SEPTIN3: variants seen among roughly 807,000 people sequenced by gnomAD.
SEPTIN3 encodes the protein septin 3, also known as neuronal-specific septin-3.
In SEPTIN3, 15 loss-of-function variants were observed where a neutral mutation model predicts 45.1. The ratio of observed to expected loss-of-function variants is 0.33; its 90% CI spans 0.22 to 0.51. The LOEUF (loss-of-function observed/expected upper bound fraction) is 0.51. Among genes scored for constraint, SEPTIN3 ranks in the 20% least tolerant of loss-of-function variants. The probability of loss-of-function intolerance (pLI) is 0.97; values close to 1 mark genes in which losing one functional copy is unlikely to be tolerated. For missense variants in SEPTIN3, 289 were observed against 457.2 expected, an observed-to-expected ratio of 0.63 and a Z score of 3.35; for synonymous variants, 148 against 164.8, an observed-to-expected ratio of 0.90 and a Z score of 0.78.
At chr22:41,984,845 CTTTTTTTT>C (rs11380985) in intron 3 of SEPTIN3, among the ~76,000 whole-genome samples, 15 of 100,686 alleles carry the variant, frequency 1.5e-4, no homozygotes, top group Admixed American at 9.6e-4. Flanking sequence ...GTGGTTTTCC[CTTTTTTTT>C]TTTTTTTTTT....
At chr22:41,983,699 T>C (rs1333134097) in intron 3 of SEPTIN3, among the ~76,000 whole-genome samples, 1 of 152,166 alleles carries the variant, frequency 6.6e-6, no homozygotes, top group Non-Finnish European at 1.5e-5. Flanking sequence ...AAATCAACCT[T>C]CCGGTTTCAG....
intron 7 of SEPTIN3, among the ~76,000 whole-genome samples, chr22:41,990,478 G>A (rs1432649904): frequency 1.3e-5 from 2 of 150,978 alleles, no homozygotes; most frequent in Non-Finnish European, 3.0e-5. Flanking sequence ...GGGCGTGGTG[G>A]CTCATGCCTG....
Position 41,976,916 on chromosome 22 carries a change from G to T in SEPTIN3, c.1504+3920G>T. 1 of 385,950 alleles carries T rather than the reference G, an allele frequency of 2.6e-6. No homozygotes were observed. Among genetic ancestry groups the T allele is most frequent in the Non-Finnish European group, 3.7e-6 (1 of 268,362 alleles). The allele number at this position is 385,950 out of a possible 1,614,324, so 23.9% of individuals were successfully genotyped here. A position where few individuals can be genotyped will look rare whatever the true frequency, so the allele number is the denominator to read the frequency against. On this transcript the variant is annotated intron_variant, in intron 2 of 11. Coordinates refer to ENST00000644076, the MANE Select transcript of SEPTIN3 (RefSeq NM_001363845.2). The surrounding 1 kb of genome is among the most constrained non-coding windows in gnomAD (Gnocchi z 5.8). ...GCGGGGCGCAGGGGCGGCGCGGCGG[G>T]GCCGCGGGCCGGGCGGGTGGGAGGA... is the stretch of plus-strand genomic sequence containing the variant.
rs376921207 is a variant in SEPTIN3, at chr22:41,992,656, C to T, written c.2260-8C>T. The stretch of plus-strand genomic sequence containing the variant: ...CATGTGTCTGGTTTGTGTTTCTGCC[C>T]CGTGCAGCAGGAGAGCATGCCTTTT... On this transcript the variant is annotated splice_region_variant and splice_polypyrimidine_tract_variant and intron_variant, in intron 8 of 11. Coordinates refer to ENST00000644076, the MANE Select transcript of SEPTIN3 (RefSeq NM_001363845.2). The T allele has an allele frequency of 4.4e-6, 7 of 1,581,800 alleles. No individual in the cohort carries two copies. In the African/African-American group the frequency reaches 9.4e-5, roughly 21 times the overall value.
rs2077959800 is a variant in SEPTIN3, at chr22:41,971,627, C to T, written c.135C>T (p.Pro45=). ...CGAGACTCCCTGGAGGAGGGTCCCC[C>T]CTCACCCCCGTCCTCAGGAAGACCA... ...RPSRLPGGGS[P]LTPVLRKTIH... is the part of the protein sequence containing the mutation. Residue 45 remains proline (P), a synonymous_variant, in exon 2 of 12, where the codon CCC becomes CCT. Transcript: ENST00000644076. The T allele has an allele frequency of 2.5e-6, 1 of 399,096 alleles. No individual in the cohort carries two copies. The allele number at this position is 399,096 out of a possible 1,614,324, so 24.7% of individuals were successfully genotyped here. A position where few individuals can be genotyped will look rare whatever the true frequency, so the allele number is the denominator to read the frequency against.
intron 3 of SEPTIN3, among the ~76,000 whole-genome samples, chr22:41,985,213 C>A (rs1021837789): frequency 6.6e-6 from 1 of 152,228 alleles, no homozygotes; most frequent in Non-Finnish European, 1.5e-5. Context: ...GAAATGAAAT[C>A]TTCTGCAGAT....
chr22:41,974,295 A>G (rs116168926), intron 2 of SEPTIN3, among the ~76,000 whole-genome samples: 2,017 of 151,982 alleles, frequency 0.013, 49 homozygotes, highest in African/African-American at 0.046. Context: ...CCACCTTTAA[A>G]AGCAGTGGCT....
chr22:41,983,779 G>C (rs563821041), intron 3 of SEPTIN3, among the ~76,000 whole-genome samples: 4 of 152,270 alleles, frequency 2.6e-5, no homozygotes, highest in African/African-American at 9.6e-5. Context: ...TGGCAATGCT[G>C]TTTCAATACC....
chr22:41,987,665 T>C lies in SEPTIN3; in HGVS notation c.1951T>C (p.Phe651Leu), dbSNP rs757761607. ...EKYINEQYEK[F>L]LKEEVNIARK... ...GTACATCAATGAGCAGTACGAGAAG[T>C]TCCTGAAGGAGGAGGTCAACATCGC... Residue 651 changes from phenylalanine (F) to leucine (L), a missense_variant, in exon 6 of 12, where the codon TTC (phenylalanine) becomes CTC (leucine). Physicochemically the swap from Phe to Leu is conservative, Grantham distance 22 (BLOSUM62 0). Transcript: ENST00000644076. The C allele has an allele frequency of 6.2e-7, 1 of 1,614,104 alleles. No individual in the cohort carries two copies. The highest frequency in any genetic ancestry group is 8.5e-7 in the Non-Finnish European group (1 of 1,179,948).
chr22:41,995,388 G>C lies in SEPTIN3; in HGVS notation c.2505+674G>C, dbSNP rs982816541. On this transcript the variant is annotated intron_variant, in intron 11 of 11. Transcript: ENST00000644076. ...GGAGCTCCACCCTTCAGTCTGTGTC[G>C]TGTTCAGTGTCACAAAGCTACCACC... 4 of 986,054 alleles carry C rather than the reference G, an allele frequency of 4.1e-6. No homozygotes were observed. The South Asian group carries it at 1.9e-4, about 46-fold the overall frequency. The allele number at this position is 986,054 out of a possible 1,614,324, so 61.1% of individuals were successfully genotyped here.
intron 2 of SEPTIN3, among the ~76,000 whole-genome samples, chr22:41,979,295 G>A (rs775784294): frequency 6.6e-6 from 1 of 152,170 alleles, no homozygotes; most frequent in African/African-American, 2.4e-5. Context: ...GCAGGCCATG[G>A]TGAGAGCACA....
chr22:41,995,730 A>T (rs2146731642), intron 11 of SEPTIN3: 2 of 985,380 alleles, frequency 2.0e-6, no homozygotes, highest in South Asian at 4.7e-5. Context: ...AAGGAATAGG[A>T]AAGAAAGTTT....
chr22:41,986,611 T>C (rs1269241239), intron 4 of SEPTIN3, among the ~76,000 whole-genome samples: 2 of 151,990 alleles, frequency 1.3e-5, no homozygotes, highest in African/African-American at 4.8e-5. Context: ...GCCATTCTCC[T>C]GCCTCAGCCT....
rs1421191036 is a variant in SEPTIN3, at chr22:41,991,641, G to A, written c.2232G>A (p.Glu744=). Residue 744 remains glutamate, a synonymous_variant, in exon 8 of 12, where the codon GAG becomes GAA. Coordinates refer to ENST00000644076, the MANE Select transcript of SEPTIN3 (RefSeq NM_001363845.2). The part of the protein sequence containing the change: ...YPQKEFDEDL[E]DKTENDKIRQ... ...AGAAGGAATTTGATGAGGATTTGGA[G>A]GATAAGACGGAGAATGACAAAATCA... is the stretch of plus-strand genomic sequence containing the variant. 6.2e-7 allele frequency: 1 copy of A among 1,613,866 alleles called. No individual in the cohort carries two copies.
chr22:41,984,123 C>T (rs541397298), intron 3 of SEPTIN3, among the ~76,000 whole-genome samples: 3 of 152,272 alleles, frequency 2.0e-5, no homozygotes, highest in African/African-American at 7.2e-5. Flanking sequence ...GTGACTACTA[C>T]CAGATAATCA....
Position 41,986,315 on chromosome 22 carries a change from A to G in SEPTIN3, c.1825+203A>G, listed in dbSNP as rs532617466. Among the ~76,000 whole-genome samples, 18 of 152,246 alleles carry G rather than the reference A, an allele frequency of 1.2e-4. No individual in the cohort carries two copies. The South Asian group carries it at 3.7e-3, about 32-fold the overall frequency. On this transcript the variant is annotated intron_variant, in intron 4 of 11. Transcript: ENST00000644076. ...CAGGGAGCTCGAATGGAAGGAGGTG[A>G]GATTTGAGGTGGATGATAAAGTACA...
chr22:41,988,892 G>A (rs905784570), intron 6 of SEPTIN3, among the ~76,000 whole-genome samples: 7 of 152,134 alleles, frequency 4.6e-5, no homozygotes, highest in African/African-American at 2.4e-5. Flanking sequence ...TTGGGAAGCC[G>A]AGGCAGGAAG....
At chr22:41,978,691 A>G (rs144617912) in intron 2 of SEPTIN3, among the ~76,000 whole-genome samples, 182 of 152,334 alleles carry the variant, frequency 1.2e-3, no homozygotes, top group African/African-American at 4.2e-3. Context: ...TCTGGGGTAC[A>G]TAAGTGTCCT....
chr22:41,984,275 T>TAGG (rs58809015), intron 3 of SEPTIN3, among the ~76,000 whole-genome samples: 6,197 of 152,300 alleles, frequency 0.041, 380 homozygotes, highest in African/African-American at 0.13. Flanking sequence ...TCTGGAACTC[T>TAGG]AGGCCCTTGT....
Sources: allele counts gnomAD v4.1 joint callset (sites outside exome capture counted in the v4.1 genomes callset), GRCh38; gene constraint gnomAD v4.1.1; non-coding constraint Gnocchi (gnomAD v3.1); transcripts MANE v1.5; gene names NCBI Gene and HGNC (gene_info 2026-07-23, HGNC 2026-07-21).